The following CMTM7 variants were observed in gnomAD, a reference collection of about 807,000 sequenced individuals.
CMTM7 encodes CKLF like MARVEL transmembrane domain containing 7.
In CMTM7, 7 loss-of-function variants were observed where a neutral mutation model predicts 19.3. The observed-to-expected ratio is 0.36, with a 90% confidence interval of 0.21 to 0.68. The LOEUF is 0.68. Among genes scored for constraint, CMTM7 ranks in the 30% least tolerant of loss-of-function variants. The pLI, the probability that CMTM7 is intolerant of heterozygous loss-of-function variation, is 0.60. For missense variants in CMTM7, 193 were observed against 232.6 expected (o/e 0.83, Z 1.11); for synonymous variants, 87 against 99.3 (o/e 0.88, Z 0.74).
At chr3:32,428,738 C>A (rs532512827) in intron 1 of CMTM7, among the ~76,000 whole-genome samples, 1 of 152,220 alleles carries the variant, frequency 6.6e-6, no homozygotes, top group African/African-American at 2.4e-5. Flanking sequence ...TTGATCCAAG[C>A]AGCTTGGTTG....
chr3:32,392,728 C>G (rs1356490599), intron 1 of CMTM7, among the ~76,000 whole-genome samples: 1 of 152,154 alleles, frequency 6.6e-6, no homozygotes, highest in African/African-American at 2.4e-5. Flanking sequence ...TTGTCAGGGG[C>G]TGGTACTCAT....
intron 2 of CMTM7, among the ~76,000 whole-genome samples, chr3:32,447,423 T>C (rs1001349702): frequency 6.6e-6 from 1 of 152,246 alleles, no homozygotes; most frequent in African/African-American, 2.4e-5. Context: ...AGAGTTTTTA[T>C]AGAGGATTTT....
At chr3:32,425,705 T>G (rs1696421348) in intron 1 of CMTM7, among the ~76,000 whole-genome samples, 1 of 152,160 alleles carries the variant, frequency 6.6e-6, no homozygotes, top group Non-Finnish European at 1.5e-5. Flanking sequence ...AGGTACAAAT[T>G]GGAATTAAGG....
chr3:32,411,412 C>T lies in CMTM7; in HGVS notation c.159+19347C>T, dbSNP rs538529814. Among the ~76,000 whole-genome samples the T allele has an allele frequency of 2.6e-5, 4 of 152,272 alleles. No individual in the cohort carries two copies. In the East Asian group the frequency reaches 5.8e-4, roughly 22 times the overall value. ...TTAAGATATCCCTAAAATTTTTTTA[C>T]AGTCAGAGCCTTCCTCTTCTAAATC... is the stretch of plus-strand genomic sequence containing the variant. On this transcript the variant is annotated intron_variant, in intron 1 of 4. Transcript: ENST00000334983.
intron 1 of CMTM7, among the ~76,000 whole-genome samples, chr3:32,426,457 G>A (rs1696434698): frequency 6.6e-6 from 1 of 152,058 alleles, no homozygotes; most frequent in Admixed American, 6.6e-5. Context: ...AGCATGAAGG[G>A]GAAATAATCA....
chr3:32,405,059 G>T (rs185882116), intron 1 of CMTM7, among the ~76,000 whole-genome samples: 1 of 152,202 alleles, frequency 6.6e-6, no homozygotes, highest in Non-Finnish European at 1.5e-5. Context: ...GCCCTCAGCT[G>T]ACAGCCAGCA....
chr3:32,445,327 A>G (rs1456824984), intron 2 of CMTM7, among the ~76,000 whole-genome samples: 1 of 152,214 alleles, frequency 6.6e-6, no homozygotes, highest in Non-Finnish European at 1.5e-5. Context: ...TCATCATTAA[A>G]TATAACATTG....
intron 3 of CMTM7, chr3:32,452,054 C>G: frequency 4.5e-6 from 6 of 1,346,420 alleles, no homozygotes; most frequent in Non-Finnish European, 5.8e-6. Flanking sequence ...CTTTTCTTCT[C>G]TTTTGGTCCA....
At chr3:32,410,705 G>A (rs536720881) in intron 1 of CMTM7, among the ~76,000 whole-genome samples, 1 of 152,304 alleles carries the variant, frequency 6.6e-6, no homozygotes, top group Non-Finnish European at 1.5e-5. Flanking sequence ...CACAGTTTGC[G>A]ATAGAGATGC....
intron 1 of CMTM7, among the ~76,000 whole-genome samples, chr3:32,438,428 A>G (rs1696629077): frequency 6.6e-6 from 1 of 152,168 alleles, no homozygotes; most frequent in Non-Finnish European, 1.5e-5. Flanking sequence ...CAGCATTTGC[A>G]GAAGTTACCT....
chr3:32,407,244 A>T (rs1339742795), intron 1 of CMTM7, among the ~76,000 whole-genome samples: 3 of 152,172 alleles, frequency 2.0e-5, no homozygotes, highest in Non-Finnish European at 4.4e-5. Context: ...TTGCCCAGGC[A>T]TGCCCCTGGA....
At chr3:32,424,638 T>C (rs1021427232) in intron 1 of CMTM7, among the ~76,000 whole-genome samples, 1 of 12,256 alleles carries the variant, frequency 8.2e-5, no homozygotes, top group African/African-American at 1.0e-4. Context: ...TGGGGAAAGG[T>C]TTTTTTTTTT....
At chr3:32,447,213 T>C (rs1016240226) in intron 2 of CMTM7, among the ~76,000 whole-genome samples, 20 of 152,244 alleles carry the variant, frequency 1.3e-4, no homozygotes, top group Non-Finnish European at 7.3e-5. Context: ...AATCTCTATA[T>C]ATTTCCCTGA....
chr3:32,399,143 T>C (rs954121685), intron 1 of CMTM7, among the ~76,000 whole-genome samples: 3 of 152,094 alleles, frequency 2.0e-5, no homozygotes, highest in Non-Finnish European at 4.4e-5. Flanking sequence ...GGTGAATATA[T>C]AGTCCTTAGT....
At chr3:32,434,813 G>A (rs1170797627) in intron 1 of CMTM7, among the ~76,000 whole-genome samples, 1 of 152,046 alleles carries the variant, frequency 6.6e-6, no homozygotes, top group African/African-American at 2.4e-5. Flanking sequence ...AATATAAAGA[G>A]TTCTTTGAAT....
intron 1 of CMTM7, among the ~76,000 whole-genome samples, chr3:32,413,697 G>T (rs1696214456): frequency 6.6e-6 from 1 of 152,182 alleles, no homozygotes; most frequent in Non-Finnish European, 1.5e-5. Context: ...CAGCATGGGG[G>T]TTCCTGGTCA....
At chr3:32,402,512 A>G (rs928311037) in intron 1 of CMTM7, among the ~76,000 whole-genome samples, 3 of 152,184 alleles carry the variant, frequency 2.0e-5, no homozygotes, top group Admixed American at 1.3e-4. Flanking sequence ...AAGCTTCAGA[A>G]AAAAGCTGTG....
chr3:32,441,576 C>G (rs17029523), intron 1 of CMTM7, among the ~76,000 whole-genome samples: 1,752 of 152,318 alleles, frequency 0.012, 42 homozygotes, highest in African/African-American at 0.04. Flanking sequence ...GGGCTTCCCG[C>G]TGGCACAATC....
At chr3:32,412,437 A>C (rs1394629675) in intron 1 of CMTM7, among the ~76,000 whole-genome samples, 3 of 151,030 alleles carry the variant, frequency 2.0e-5, no homozygotes, top group Admixed American at 6.6e-5. Flanking sequence ...CAGCGAGCTG[A>C]GATCATGCCA....
Sources: allele counts gnomAD v4.1 joint callset (sites outside exome capture counted in the v4.1 genomes callset), GRCh38; gene constraint gnomAD v4.1.1; transcripts MANE v1.5; gene names NCBI Gene and HGNC (gene_info 2026-07-23, HGNC 2026-07-21).